Variants in WWOX observed in about 807,000 individuals in gnomAD.
The protein encoded by WWOX is WW domain-containing oxidoreductase.
WWOX carries 69 observed loss-of-function variants against 46.2 expected under a neutral mutation model. The observed-to-expected ratio is 1.49, with a 90% CI of 1.23 to 1.82. The LOEUF (loss-of-function observed/expected upper bound fraction) is 1.82, where lower values mean the gene tolerates loss of function less well. Among genes scored for constraint, WWOX ranks in the 40% most tolerant of loss-of-function variants. WWOX has a pLI of 0.00. For synonymous variants in WWOX, 359 were observed against 202.6 expected (o/e 1.77, Z -6.56); for missense variants, 919 against 542.6 (o/e 1.69, Z -6.89).
At chr16:78,760,459 C>G (rs1414531085) in intron 8 of WWOX, among the ~76,000 whole-genome samples, 2 of 152,172 alleles carry the variant, frequency 1.3e-5, no homozygotes, top group Non-Finnish European at 2.9e-5. Flanking sequence ...AGGTAGCATA[C>G]TCACAGGTGG....
chr16:79,074,434 T>TTTTTC (rs2048614415), intron 8 of WWOX, among the ~76,000 whole-genome samples: 2 of 134,468 alleles, frequency 1.5e-5, no homozygotes, highest in African/African-American at 5.8e-5. Flanking sequence ...TTTTTTTTTT[T>TTTTTC]TTTTTTTTGG....
At chr16:78,160,633 T>A (rs2034763827) in intron 4 of WWOX, among the ~76,000 whole-genome samples, 2 of 152,308 alleles carry the variant, frequency 1.3e-5, no homozygotes, top group South Asian at 4.1e-4. Flanking sequence ...GATTTGTAAT[T>A]TAATTCCATT....
intron 8 of WWOX, among the ~76,000 whole-genome samples, chr16:78,547,926 C>T (rs2044080321): frequency 1.3e-5 from 2 of 152,038 alleles, no homozygotes; most frequent in Admixed American, 1.3e-4. Context: ...CTGAGATGGG[C>T]AGATCACTTG....
chr16:79,022,496 A>T (rs577696054), intron 8 of WWOX, among the ~76,000 whole-genome samples: 39 of 152,150 alleles, frequency 2.6e-4, no homozygotes, highest in African/African-American at 9.2e-4. Context: ...GGAGGAGCTG[A>T]GTCCCATTAT....
chr16:78,882,255 C>G (rs16948735), intron 8 of WWOX, among the ~76,000 whole-genome samples: 1 of 152,036 alleles, frequency 6.6e-6, no homozygotes, highest in Non-Finnish European at 1.5e-5. Flanking sequence ...TTTTCAAAGT[C>G]TTTGACAATT....
At chr16:78,132,058 T>A (rs1345445525) in intron 4 of WWOX, among the ~76,000 whole-genome samples, 1 of 148,292 alleles carries the variant, frequency 6.7e-6, no homozygotes, top group Non-Finnish European at 1.5e-5. Flanking sequence ...AGAGTCTCAC[T>A]CTGTCGCCCA....
intron 8 of WWOX, among the ~76,000 whole-genome samples, chr16:79,183,201 C>T (rs117808200): frequency 0.012 from 1,855 of 152,228 alleles, 20 homozygotes; most frequent in Non-Finnish European, 0.019. Context: ...CTAGCCTTGC[C>T]CACTGTCTGT....
intron 8 of WWOX, among the ~76,000 whole-genome samples, chr16:78,723,484 T>G (rs1307153649): frequency 6.6e-6 from 1 of 152,172 alleles, no homozygotes; most frequent in Non-Finnish European, 1.5e-5. Context: ...ATCTGCATGT[T>G]TCTCTCTTTC....
chr16:78,398,961 C>T (rs531487933), intron 6 of WWOX, among the ~76,000 whole-genome samples: 22 of 152,088 alleles, frequency 1.4e-4, no homozygotes, highest in Middle Eastern at 3.4e-3. Context: ...GGCTGGCTGG[C>T]TAGGTGGATA....
chr16:79,021,054 G>A (rs369859306), intron 8 of WWOX, among the ~76,000 whole-genome samples: 10 of 152,198 alleles, frequency 6.6e-5, no homozygotes, highest in African/African-American at 2.4e-4. Context: ...TTCAGGGAGA[G>A]CAAGAGATGT....
At chr16:78,690,984 A>G (rs896760117) in intron 8 of WWOX, among the ~76,000 whole-genome samples, 1 of 152,130 alleles carries the variant, frequency 6.6e-6, no homozygotes, top group Non-Finnish European at 1.5e-5. Flanking sequence ...TATATGTCCA[A>G]CGCCATTCGT....
At chr16:78,508,401 C>G (rs2085271842) in intron 8 of WWOX, among the ~76,000 whole-genome samples, 1 of 145,864 alleles carries the variant, frequency 6.9e-6, no homozygotes, top group South Asian at 2.2e-4. Flanking sequence ...ACAATTCTTC[C>G]TCCACTGTGG....
rs2055771 is a variant in WWOX, at chr16:79,192,167, C to T, written c.1057-19441C>T. ...AGCTCTGCTCTCAGGACCAAAATTG[C>T]TCCTGCCAGCTCTAATAGGGAATGT... On this transcript the variant is annotated intron_variant, in intron 8 of 8. Transcript: ENST00000566780. 3.5e-3 allele frequency among the ~76,000 whole-genome samples: 528 copies of T among 152,322 alleles called. 5 individuals carry two copies. The highest frequency in any genetic ancestry group is 0.025 in the Admixed American group (384 of 15,300).
intron 5 of WWOX, among the ~76,000 whole-genome samples, chr16:78,364,127 T>C (rs1244816747): frequency 1.3e-5 from 2 of 152,216 alleles, no homozygotes; most frequent in Non-Finnish European, 2.9e-5. Context: ...GATGTCGCTC[T>C]CTATCCGTAA....
chr16:79,131,123 C>G (rs978215196), intron 8 of WWOX, among the ~76,000 whole-genome samples: 1 of 152,188 alleles, frequency 6.6e-6, no homozygotes, highest in Admixed American at 6.5e-5. Context: ...AGACTCCATG[C>G]TGCCCCTGCC....
chr16:78,760,724 C>G (rs1013918133), intron 8 of WWOX, among the ~76,000 whole-genome samples: 1 of 152,206 alleles, frequency 6.6e-6, no homozygotes, highest in Non-Finnish European at 1.5e-5. Flanking sequence ...ACATGAGACT[C>G]TTTGAGGCAG....
chr16:78,558,854 T>C (rs923951442), intron 8 of WWOX, among the ~76,000 whole-genome samples: 3 of 152,190 alleles, frequency 2.0e-5, no homozygotes, highest in African/African-American at 7.2e-5. Context: ...CTAGACCCCT[T>C]CTCTCTACAA....
At chr16:78,847,396 CAT>C (rs2052327299) in intron 8 of WWOX, among the ~76,000 whole-genome samples, 1 of 152,062 alleles carries the variant, frequency 6.6e-6, no homozygotes, top group African/African-American at 2.4e-5. Context: ...ATATTTATAA[CAT>C]ATCAGTATCT....
At chr16:78,757,794 T>C (rs528922689) in intron 8 of WWOX, among the ~76,000 whole-genome samples, 2 of 152,196 alleles carry the variant, frequency 1.3e-5, no homozygotes, top group South Asian at 4.1e-4. Flanking sequence ...TGCTATGTCC[T>C]TACATGACAG....
Sources: gnomAD v4.1 joint callset for allele counts (sites outside exome capture counted in the v4.1 genomes callset) on GRCh38, gnomAD v4.1.1 for gene constraint, MANE v1.5 for transcripts, NCBI Gene and HGNC (gene_info 2026-07-23, HGNC 2026-07-21) for gene names.